The following ROCK2 variants were observed in gnomAD, a reference collection of about 807,000 sequenced individuals.
ROCK2 encodes rho-associated protein kinase 2.
Under a neutral mutation model 195.1 loss-of-function variants are expected in ROCK2, and 61 were observed. The ratio of observed to expected loss-of-function variants is 0.31; its 90% CI spans 0.25 to 0.39. The LOEUF is 0.39. Ranked by LOEUF, ROCK2 falls within the 10% of genes least tolerant of loss-of-function variation. ROCK2 has a pLI of 1.00. For missense variants in ROCK2, 1,109 were observed against 1,637.4 expected (o/e 0.68, Z 5.57); for synonymous variants, 504 against 545.5 (o/e 0.92, Z 1.06).
chr2:11,323,631 C>T (rs763241057), intron 1 of ROCK2, among the ~76,000 whole-genome samples: 25 of 152,060 alleles, frequency 1.6e-4, no homozygotes, highest in Non-Finnish European at 2.9e-4. Flanking sequence ...TATTTGAATT[C>T]GTAAGTATTC....
intron 1 of ROCK2, among the ~76,000 whole-genome samples, chr2:11,295,966 A>AAGAAAGAGAGAGAGAG (rs1667500104): frequency 1.3e-5 from 1 of 77,718 alleles, no homozygotes; most frequent in Non-Finnish European, 2.6e-5. Context: ...CAAAAAACAA[A>AAGAAAGAGAGAGAGAG]AGAGAGAGAG....
intron 3 of ROCK2, among the ~76,000 whole-genome samples, chr2:11,253,177 AAAG>A (rs779660255): frequency 6.6e-5 from 10 of 152,228 alleles, no homozygotes; most frequent in East Asian, 1.9e-4. Context: ...GCGATGGAAG[AAAG>A]AAGAAGAAAT....
In ROCK2 at chr2:11,277,524, CT is replaced by C. The variant is rs1666867266; in HGVS notation, c.324+9014del. On this transcript the variant is annotated intron_variant, in intron 3 of 32. Transcript: ENST00000315872. The stretch of plus-strand genomic sequence containing the variant: ...AGTCCCCAAAGTCCACTGTATCATT[CT>C]TATGCCTTTGCGTACTCATAGTTTG... Among the ~76,000 whole-genome samples the C allele has an allele frequency of 2.0e-5, 3 of 152,320 alleles. No individual in the cohort carries two copies. The South Asian group carries it at 6.2e-4, about 32-fold the overall frequency.
intron 3 of ROCK2, among the ~76,000 whole-genome samples, chr2:11,272,508 T>C (rs1666674348): frequency 6.6e-6 from 1 of 152,120 alleles, no homozygotes; most frequent in South Asian, 2.1e-4. Flanking sequence ...AAGTGATTAG[T>C]TTATGGTTTG....
At chr2:11,297,536 A>AT (rs1667573977) in intron 1 of ROCK2, among the ~76,000 whole-genome samples, 1 of 152,104 alleles carries the variant, frequency 6.6e-6, no homozygotes, top group Admixed American at 6.5e-5. Context: ...GCCGCCTCCT[A>AT]TAAGTCATAT....
chr2:11,198,443 T>C, intron 25 of ROCK2, 48 bp downstream of exon 25: 1 of 1,298,840 alleles, frequency 7.7e-7, no homozygotes, highest in Non-Finnish European at 1.1e-6. Flanking sequence ...GTAAAAGAGA[T>C]AAACTGAGAC....
At chr2:11,292,350 T>A (rs938374016) in intron 1 of ROCK2, among the ~76,000 whole-genome samples, 3 of 152,168 alleles carry the variant, frequency 2.0e-5, no homozygotes, top group Non-Finnish European at 4.4e-5. Flanking sequence ...TATACATGCA[T>A]TTAACATTTT....
intron 4 of ROCK2, among the ~76,000 whole-genome samples, chr2:11,241,890 G>C (rs934110360): frequency 6.6e-6 from 1 of 152,190 alleles, no homozygotes; most frequent in Non-Finnish European, 1.5e-5. Flanking sequence ...TTGGGAAAAT[G>C]AGTAGGTCAT....
chr2:11,339,489 C>T (rs1404114689), intron 1 of ROCK2, among the ~76,000 whole-genome samples: 1 of 149,676 alleles, frequency 6.7e-6, no homozygotes, highest in Non-Finnish European at 1.5e-5. Flanking sequence ...GAATTATTCA[C>T]GTGAGCTCCA....
At chr2:11,281,220 A>C (rs1179840415) in intron 3 of ROCK2, among the ~76,000 whole-genome samples, 12 of 151,568 alleles carry the variant, frequency 7.9e-5, no homozygotes, top group Admixed American at 2.0e-4. Flanking sequence ...AAAAAAAAAA[A>C]AAAAAAAAAA....
intron 1 of ROCK2, among the ~76,000 whole-genome samples, chr2:11,315,362 T>C (rs923038314): frequency 2.0e-5 from 3 of 151,988 alleles, no homozygotes; most frequent in African/African-American, 7.2e-5. Flanking sequence ...TACAGTATCA[T>C]ATAGAAACTC....
At chr2:11,324,400 G>A (rs1289214651) in intron 1 of ROCK2, among the ~76,000 whole-genome samples, 1 of 151,692 alleles carries the variant, frequency 6.6e-6, no homozygotes, top group African/African-American at 2.4e-5. Context: ...ACTGCAGCGT[G>A]GCGACAGAGG....
In ROCK2 at chr2:11,235,587, T is replaced by C. The variant is rs898637124; in HGVS notation, c.723+115A>G. On this transcript the variant is annotated intron_variant, in intron 5 of 32. Coordinates refer to ENST00000315872, the MANE Select transcript of ROCK2 (RefSeq NM_004850.5). This position sits in a 1 kb window ranked among gnomAD's most constrained non-coding sequence, Gnocchi z 4.2. ...TTGGTTATATCTTGTTTGGGTGCTA[T>C]ACAGTTATGAAAACTAAATTTACCT... The C allele has an allele frequency of 4.7e-6, 5 of 1,075,046 alleles. No homozygotes were observed. In the African/African-American group the frequency reaches 4.8e-5, roughly 10 times the overall value. The allele number at this position is 1,075,046 out of a possible 1,614,324, so 66.6% of individuals were successfully genotyped here. A position where few individuals can be genotyped will look rare whatever the true frequency, so the allele number is the denominator to read the frequency against.
At chr2:11,293,214 GCAACTTAAATTGAGGACGGCTAAGT>G (rs1238298254) in intron 1 of ROCK2, among the ~76,000 whole-genome samples, 1 of 152,180 alleles carries the variant, frequency 6.6e-6, no homozygotes, top group Non-Finnish European at 1.5e-5. Context: ...CCATTTAGTG[GCAACTTAAATTGAGGACGGCTAAGT>G]CAACTTAATT....
Position 11,344,020 on chromosome 2 carries a change from G to C in ROCK2, c.117C>G (p.Ser39=). 2 of 1,590,424 alleles carry C rather than the reference G, an allele frequency of 1.3e-6. No homozygotes were observed. Among genetic ancestry groups the C allele is most frequent in the Non-Finnish European group, 1.7e-6 (2 of 1,169,516 alleles). The stretch of plus-strand genomic sequence containing the variant: ...CCAGCAAGCTCTCCACGTTGATGGG[G>C]GAGCGAGGGTCTCGGATCAGCGCCT... The part of the protein sequence containing the change: ...KLEALIRDPR[S]PINVESLLDG... The change falls in exon 1 of 33, where the codon TCC becomes TCG. Residue 39 remains serine (S), a synonymous_variant. Transcript: ENST00000315872. The surrounding 1 kb of genome is among the most constrained non-coding windows in gnomAD (Gnocchi z 5.4).
intron 1 of ROCK2, among the ~76,000 whole-genome samples, chr2:11,336,189 C>G (rs1572425691): frequency 6.6e-6 from 1 of 152,134 alleles, no homozygotes; most frequent in Non-Finnish European, 1.5e-5. Flanking sequence ...AAAATAAAAT[C>G]TATGTTTCCC....
chr2:11,283,567 CA>C (rs1456842952), intron 3 of ROCK2, among the ~76,000 whole-genome samples: 142 of 55,318 alleles, frequency 2.6e-3, no homozygotes, highest in African/African-American at 8.8e-3. Context: ...GACTCCGTCT[CA>C]AAAAAAAAAA....
intron 1 of ROCK2, among the ~76,000 whole-genome samples, chr2:11,315,433 T>G (rs1457565057): frequency 6.6e-6 from 1 of 151,928 alleles, no homozygotes; most frequent in East Asian, 1.9e-4. Context: ...TCCCAACAGT[T>G]TAAAATTTTT....
chr2:11,257,260 T>C (rs1261315276), intron 3 of ROCK2, among the ~76,000 whole-genome samples: 1 of 111,674 alleles, frequency 9.0e-6, no homozygotes, highest in Non-Finnish European at 1.8e-5. Flanking sequence ...GAAGAGCTTG[T>C]GGCCACTGTG....
Sources: allele counts gnomAD v4.1 joint callset (sites outside exome capture counted in the v4.1 genomes callset), GRCh38; gene constraint gnomAD v4.1.1; non-coding constraint Gnocchi (gnomAD v3.1); transcripts MANE v1.5; gene names NCBI Gene and HGNC (gene_info 2026-07-23, HGNC 2026-07-21).